HOMER3: variants seen among roughly 807,000 people sequenced by gnomAD.
The protein encoded by HOMER3 is homer scaffold protein 3, also known as homer protein homolog 3.
In HOMER3, 34 loss-of-function variants were observed where a neutral mutation model predicts 45.5. The ratio of observed to expected loss-of-function variants is 0.75; its 90% CI spans 0.57 to 1.00. The LOEUF (loss-of-function observed/expected upper bound fraction) is 1.00, where lower values mean the gene tolerates loss of function less well. Ranked by LOEUF, HOMER3 falls within the 50% of genes least tolerant of loss-of-function variation. The pLI, the probability that HOMER3 is intolerant of heterozygous loss-of-function variation, is 0.00. For synonymous variants in HOMER3, 223 were observed against 208.8 expected, an observed-to-expected ratio of 1.07 and a Z score of -0.58; for missense variants, 480 against 497.5, an observed-to-expected ratio of 0.96 and a Z score of 0.33.
At chr19:18,940,185 G>A (rs2057139513) in intron 1 of HOMER3, 1 of 152,774 alleles carries the variant, frequency 6.5e-6, no homozygotes, top group Admixed American at 6.5e-5. Context: ...TGGGGGTGGG[G>A]CGGCAGCTCT....
In HOMER3 at chr19:18,933,020, G is replaced by A; in HGVS notation, c.437C>T (p.Ala146Val). 6.7e-7 allele frequency: 1 copy of A among 1,490,054 alleles called. No homozygotes were observed. Among genetic ancestry groups the A allele is most frequent in the Non-Finnish European group, 8.9e-7 (1 of 1,125,226 alleles). The allele number at this position is 1,490,054 out of a possible 1,614,324, so 92.3% of individuals were successfully genotyped here. ...HQVPPSPLVS[A>V]NGPGEEKLFR... is the part of the protein sequence containing the mutation. ...CAGTTTTTCCTCGCCGGGGCCGTTG[G>A]CACTGACGAGAGGGCTCGGGGGCAC... The change falls in exon 6 of 10, where the codon GCC becomes GTC. Residue 146 changes from alanine (A) to valine (V), a missense_variant. Transcript: ENST00000392351.
In HOMER3 at chr19:18,931,224, G is replaced by A. The variant is rs544146670; in HGVS notation, c.894+101C>T. 1.0e-4 allele frequency: 107 copies of A among 1,055,322 alleles called. No homozygotes were observed. In the Middle Eastern group the frequency reaches 1.5e-3, roughly 15 times the overall value. 65.4% of individuals were successfully genotyped at this position (1,055,322 alleles called of 1,614,324 possible). A position where few individuals can be genotyped will look rare whatever the true frequency, so the allele number is the denominator to read the frequency against. On this transcript the variant is annotated intron_variant, in intron 9 of 9. Transcript: ENST00000392351. Reference sequence around the variant, plus strand: ...TGGGCATCAGGCCTTCCACAGGACTGGGCCTCCCAATACTTTATCATCTTA... The same window carrying A: ...TGGGCATCAGGCCTTCCACAGGACTAGGCCTCCCAATACTTTATCATCTTA...
At chr19:18,935,363 C>G (rs1211542828) in intron 4 of HOMER3, among the ~76,000 whole-genome samples, 1 of 152,066 alleles carries the variant, frequency 6.6e-6, no homozygotes, top group African/African-American at 2.4e-5. Flanking sequence ...GTCTCGAACT[C>G]CTGACCCCGT....
At chr19:18,934,211 G>A (rs372849640) in intron 5 of HOMER3, 92 bp downstream of exon 5, 11 of 678,096 alleles carry the variant, frequency 1.6e-5, no homozygotes, top group South Asian at 9.9e-5. Context: ...AGAGTGCCCC[G>A]GTCTCCCAAT....
intron 4 of HOMER3, among the ~76,000 whole-genome samples, chr19:18,937,139 TA>T (rs1188775248): frequency 2.0e-5 from 3 of 150,336 alleles, no homozygotes; most frequent in Non-Finnish European, 3.0e-5. Context: ...ATCCTATCTC[TA>T]AAAAAAATAA....
intron 8 of HOMER3, 43 bp downstream of exon 8, chr19:18,931,466 A>T: frequency 1.2e-6 from 2 of 1,610,858 alleles, no homozygotes; most frequent in Non-Finnish European, 1.7e-6. Flanking sequence ...TTCCCACAGG[A>T]GGTGAGGGAA....
intron 3 of HOMER3, 88 bp from the exon 4 acceptor site, chr19:18,938,572 G>C: frequency 6.5e-7 from 1 of 1,529,036 alleles, no homozygotes; most frequent in Non-Finnish European, 9.0e-7. Flanking sequence ...TTAGGGTCTT[G>C]AAGGTCTTTA....
rs1168047775 is a variant in HOMER3, at chr19:18,929,551, C to T, written c.978G>A (p.Glu326=). ...CCCGGCCCACCTCAGCCCGCGCCCGCTCCCGCTCTGCCCGTGCCTCCTCCA... is the reference window on the plus strand; with the variant it reads ...CCCGGCCCACCTCAGCCCGCGCCCGTTCCCGCTCTGCCCGTGCCTCCTCCA... The part of the protein sequence containing the change: ...RSLEEARAER[E]RARAEVGRAA... Residue 326 remains glutamate, a synonymous_variant, in exon 10 of 10, where the codon GAG becomes GAA. Transcript: ENST00000392351. 1 of 1,554,062 alleles carries T rather than the reference C, an allele frequency of 6.4e-7. No homozygotes were observed. Among genetic ancestry groups the T allele is most frequent in the East Asian group, 2.4e-5 (1 of 41,644 alleles).
At chr19:18,935,403 G>T (rs2057081343) in intron 4 of HOMER3, among the ~76,000 whole-genome samples, 1 of 152,050 alleles carries the variant, frequency 6.6e-6, no homozygotes, top group Non-Finnish European at 1.5e-5. Flanking sequence ...CCCAAAGTGT[G>T]AGAATGACAG....
At chr19:18,931,134 T>C (rs2057026878) in intron 9 of HOMER3, 191 bp downstream of exon 9, 4 of 558,816 alleles carry the variant, frequency 7.2e-6, no homozygotes, top group Non-Finnish European at 1.3e-5. Flanking sequence ...AACTCAAGCA[T>C]TGCTTGTTGA....
At position 18,936,317 on chromosome 19, in the gene HOMER3, A is replaced by AAAT. The variant is rs1568340092; in HGVS notation, c.304-1908_304-1907insATT. 1.3e-4 allele frequency among the ~76,000 whole-genome samples: 18 copies of AAAT among 138,976 alleles called. 4 individuals are homozygous for AAAT. Among genetic ancestry groups the AAAT allele is most frequent in the East Asian group, 4.0e-4 (2 of 5,018 alleles). 91.2% of individuals were successfully genotyped at this position (138,976 alleles called of 152,430 possible). On this transcript the variant is annotated intron_variant, in intron 4 of 9. Transcript: ENST00000392351. ...GACAAGAGTGAAACTCTGTCTCAAA[A>AAAT]AAATAAATAAATAAATAAATAAATA... is the stretch of plus-strand genomic sequence containing the variant.
At position 18,938,785 on chromosome 19, in the gene HOMER3, G is replaced by A. The variant is rs367777459; in HGVS notation, c.114C>T (p.Ser38=). Residue 38 remains serine, a synonymous_variant, in exon 3 of 10, where the codon TCC becomes TCT. Coordinates refer to ENST00000392351, the MANE Select transcript of HOMER3 (RefSeq NM_004838.4). ...IPAGKHALTV[S]YFYDATRNVY... ...CATTGCGGGTGGCATCGTAGAAATA[G>A]GAGACAGTGAGTGCGTGCTTGCCCG... The A allele has an allele frequency of 5.6e-5, 89 of 1,600,676 alleles. No homozygotes were observed. The highest frequency in any genetic ancestry group is 7.0e-5 in the Non-Finnish European group (82 of 1,173,976).
rs1022535412 is a variant in HOMER3, at chr19:18,931,719, C to T, written c.691-94G>A. On this transcript the variant is annotated intron_variant, in intron 7 of 9. Coordinates refer to ENST00000392351, the MANE Select transcript of HOMER3 (RefSeq NM_004838.4). ...GAATCTGCCTCCTGTCTGGCCACGC[C>T]CAGGACCGAGCACCCATCTCCCTTG... is the stretch of plus-strand genomic sequence containing the variant. The T allele has an allele frequency of 2.2e-5, 33 of 1,510,968 alleles. No homozygotes were observed. In the South Asian group the frequency reaches 4.1e-4, roughly 19 times the overall value. The allele number at this position is 1,510,968 out of a possible 1,614,324, so 93.6% of individuals were successfully genotyped here.
chr19:18,938,705 C>CCCCCCCCCCACCCCCCCCAGG, intron 3 of HOMER3, 23 bp downstream of exon 3: 1 of 1,532,706 alleles, frequency 6.5e-7, no homozygotes, highest in Non-Finnish European at 8.9e-7. Flanking sequence ...GGTGCCTCTG[C>CCCCCCCCCCACCCCCCCCAGG]CCCACCCAGA....
chr19:18,931,387 T>C lies in HOMER3; in HGVS notation c.832A>G (p.Thr278Ala). 1 of 1,614,126 alleles carries C rather than the reference T, an allele frequency of 6.2e-7. No individual in the cohort carries two copies. Among genetic ancestry groups the C allele is most frequent in the East Asian group, 2.2e-5 (1 of 44,874 alleles). ...DQEIQTLKSQTGGPREALEAA... is the reference protein window; with the variant it reads ...DQEIQTLKSQAGGPREALEAA... The stretch of plus-strand genomic sequence containing the variant: ...TCCAGGGCCTCGCGGGGCCCCCCAG[T>C]CTGACTCTTCAGGGTCTGAATCTCC... The change falls in exon 9 of 10, where the codon ACT (threonine) becomes GCT (alanine). Residue 278 changes from threonine to alanine, a missense_variant. Coordinates refer to ENST00000392351, the MANE Select transcript of HOMER3 (RefSeq NM_004838.4).
Position 18,938,548 on chromosome 19 carries a change from G to C in HOMER3, c.172-64C>G, listed in dbSNP as rs550674130. On this transcript the variant is annotated intron_variant, in intron 3 of 9. Transcript: ENST00000392351. ...ATACTAACAAACATGAAACCCCCCA[G>C]GTATTACCTTGTATTAGGGTCTTGA... is the stretch of plus-strand genomic sequence containing the variant. The C allele has an allele frequency of 9.7e-4, 1,531 of 1,572,480 alleles. 1 individual carries two copies. Among genetic ancestry groups the C allele is most frequent in the Non-Finnish European group, 1.2e-3 (1,421 of 1,147,556 alleles).
intron 9 of HOMER3, among the ~76,000 whole-genome samples, chr19:18,929,883 G>A (rs1202871526): frequency 1.3e-5 from 2 of 151,898 alleles, no homozygotes; most frequent in African/African-American, 2.4e-5. Flanking sequence ...GCGTGATCTC[G>A]GCTCACTACA....
At chr19:18,936,117 C>T (rs1365590977) in intron 4 of HOMER3, among the ~76,000 whole-genome samples, 2 of 150,284 alleles carry the variant, frequency 1.3e-5, no homozygotes, top group East Asian at 1.9e-4. Context: ...AGTTCAAGAG[C>T]AGGCTGACCA....
At chr19:18,931,296 T>C in intron 9 of HOMER3, 29 bp downstream of exon 9, 1 of 1,591,480 alleles carries the variant, frequency 6.3e-7, no homozygotes, top group Non-Finnish European at 8.6e-7. Flanking sequence ...TCACCCACCG[T>C]CACCCCACCT....
Sources: gnomAD v4.1 joint callset for allele counts (sites outside exome capture counted in the v4.1 genomes callset) on GRCh38, gnomAD v4.1.1 for gene constraint, MANE v1.5 for transcripts, NCBI Gene and HGNC (gene_info 2026-07-23, HGNC 2026-07-21) for gene names.